CFAP251: variants seen among roughly 807,000 people sequenced by gnomAD.
CFAP251 encodes the protein cilia and flagella associated protein 251, also known as cilia- and flagella-associated protein 251.
CFAP251 carries 93 observed loss-of-function variants against 126.7 expected under a neutral mutation model. That is an observed-to-expected ratio of 0.73 (90% CI 0.62 to 0.87). The LOEUF is 0.87. Ranked by LOEUF, CFAP251 falls within the 40% of genes least tolerant of loss-of-function variation. The probability of loss-of-function intolerance (pLI) is 0.00; values close to 1 mark genes in which losing one functional copy is unlikely to be tolerated. For missense variants in CFAP251, 1,287 were observed against 1,389.2 expected, an observed-to-expected ratio of 0.93 and a Z score of 1.17; for synonymous variants, 503 against 506.9, an observed-to-expected ratio of 0.99 and a Z score of 0.10.
chr12:121,975,730 T>C (rs80342363), intron 19 of CFAP251, 45 bp downstream of exon 19: 3 of 1,524,150 alleles, frequency 2.0e-6, no homozygotes, highest in Non-Finnish European at 2.6e-6. Context: ...GTGCTATTTA[T>C]AAAAAACAAC....
intron 17 of CFAP251, 42 bp downstream of exon 17, chr12:121,968,211 C>A: frequency 6.4e-7 from 1 of 1,555,494 alleles, no homozygotes. Context: ...GTGTAAACTC[C>A]TTTTCACTCA....
At chr12:121,937,531 C>T (rs1880941902) in intron 5 of CFAP251, among the ~76,000 whole-genome samples, 1 of 152,160 alleles carries the variant, frequency 6.6e-6, no homozygotes, top group East Asian at 1.9e-4. Flanking sequence ...CAGCACCAGG[C>T]CATGATAGAG....
intron 17 of CFAP251, among the ~76,000 whole-genome samples, chr12:121,970,960 G>A (rs1013731677): frequency 1.3e-5 from 2 of 152,202 alleles, no homozygotes; most frequent in African/African-American, 4.8e-5. Context: ...GGCCCCTCTG[G>A]GGTCAGTTGA....
At chr12:121,942,698 G>C in intron 6 of CFAP251, 53 bp downstream of exon 6, 2 of 1,448,728 alleles carry the variant, frequency 1.4e-6, no homozygotes, top group East Asian at 2.3e-5. Context: ...GACCTGTGCA[G>C]CGTGTCCCCA....
intron 4 of CFAP251, among the ~76,000 whole-genome samples, chr12:121,933,806 G>A (rs1309824770): frequency 2.6e-5 from 4 of 152,176 alleles, no homozygotes; most frequent in Non-Finnish European, 1.5e-5. Context: ...GTGACAGAGT[G>A]AGACCCTGCC....
At chr12:121,940,307 A>G (rs1479288174) in intron 5 of CFAP251, among the ~76,000 whole-genome samples, 1 of 152,126 alleles carries the variant, frequency 6.6e-6, no homozygotes, top group Admixed American at 6.6e-5. Context: ...GATGAGATAC[A>G]TTTTCTCACT....
chr12:121,929,290 C>A (rs1180361756), intron 3 of CFAP251, among the ~76,000 whole-genome samples: 1 of 146,862 alleles, frequency 6.8e-6, no homozygotes, highest in Non-Finnish European at 1.5e-5. Context: ...CACTGCACTG[C>A]AGCCTGGTGA....
chr12:121,992,394 A>G, intron 19 of CFAP251: 1 of 985,362 alleles, frequency 1.0e-6, no homozygotes, highest in Non-Finnish European at 1.2e-6. Flanking sequence ...AGAGAGTAAG[A>G]GGTGAATCAC....
chr12:121,930,690 T>C (rs1165960926), intron 3 of CFAP251, among the ~76,000 whole-genome samples: 2 of 152,068 alleles, frequency 1.3e-5, no homozygotes, highest in Non-Finnish European at 2.9e-5. Flanking sequence ...TCCTTTATCC[T>C]TCCAGTAGAA....
chr12:121,928,626 G>GTGTATA lies in CFAP251; in HGVS notation c.748-3119_748-3118insGTATAT, dbSNP rs148145141. Among the ~76,000 whole-genome samples, 195 of 43,186 alleles carry GTGTATA rather than the reference G, an allele frequency of 4.5e-3. 9 individuals are homozygous for GTGTATA. Among genetic ancestry groups the GTGTATA allele is most frequent in the African/African-American group, 0.017 (173 of 10,076 alleles). The allele number at this position is 43,186 out of a possible 152,430, so 28.3% of individuals were successfully genotyped here. On this transcript the variant is annotated intron_variant, in intron 3 of 21. Coordinates refer to ENST00000288912, the MANE Select transcript of CFAP251 (RefSeq NM_144668.6). ...ACCCTAGATAATTTTATGTATATGT[G>GTGTATA]TATATATATACGTATATATATATAT... is the stretch of plus-strand genomic sequence containing the variant.
At chr12:121,984,506 C>T (rs1034227198) in intron 19 of CFAP251, among the ~76,000 whole-genome samples, 1 of 152,142 alleles carries the variant, frequency 6.6e-6, no homozygotes, top group Non-Finnish European at 1.5e-5. Context: ...CGGGGTTTCA[C>T]GGTGTTAGCC....
chr12:121,988,127 A>G (rs1166739820), intron 19 of CFAP251, among the ~76,000 whole-genome samples: 1 of 151,936 alleles, frequency 6.6e-6, no homozygotes, highest in Non-Finnish European at 1.5e-5. Flanking sequence ...ATATTTTTAA[A>G]AATATTTCAA....
rs150812301 is a variant in CFAP251, at chr12:121,934,779, C to T, written c.998+423C>T. On this transcript the variant is annotated intron_variant, in intron 5 of 21. Coordinates refer to ENST00000288912, the MANE Select transcript of CFAP251 (RefSeq NM_144668.6). ...CAAAGCTGCTGTTTCTCTGCAGTCT[C>T]TCTCTAATTCTAACAACCCACCATT... 8.5e-5 allele frequency among the ~76,000 whole-genome samples: 13 copies of T among 152,306 alleles called. No individual in the cohort carries two copies. The East Asian group carries it at 1.5e-3, about 18-fold the overall frequency.
chr12:121,994,967 T>A (rs1882990851), intron 19 of CFAP251, among the ~76,000 whole-genome samples: 1 of 150,076 alleles, frequency 6.7e-6, no homozygotes, highest in Non-Finnish European at 1.5e-5. Flanking sequence ...AAAAATAAAT[T>A]AAAAAAAAAA....
intron 2 of CFAP251, 47 bp downstream of exon 2, chr12:121,921,730 G>A (rs1880187357): frequency 6.4e-7 from 1 of 1,554,354 alleles, no homozygotes; most frequent in East Asian, 2.2e-5. Flanking sequence ...AGAATCATTA[G>A]TTGAATGCTT....
chr12:121,971,423 T>C (rs1882324587), intron 17 of CFAP251: 1 of 651,204 alleles, frequency 1.5e-6, no homozygotes, highest in African/African-American at 1.8e-5. Context: ...GGCAGACTCT[T>C]CCTAAGAAAG....
At chr12:121,981,876 C>T (rs1882631472) in intron 19 of CFAP251, among the ~76,000 whole-genome samples, 1 of 150,442 alleles carries the variant, frequency 6.6e-6, no homozygotes, top group Non-Finnish European at 1.5e-5. Flanking sequence ...CTCCATGCCT[C>T]AGTTTCCTCA....
chr12:121,920,165 C>G (rs1260924375), intron 1 of CFAP251, among the ~76,000 whole-genome samples: 1 of 94,848 alleles, frequency 1.1e-5, no homozygotes, highest in Non-Finnish European at 2.1e-5. Context: ...GCCTGGGCAA[C>G]AAGAACAAAA....
At chr12:121,999,978 C>T in intron 20 of CFAP251, 34 bp downstream of exon 20, 2 of 1,569,994 alleles carry the variant, frequency 1.3e-6, no homozygotes, top group Non-Finnish European at 1.8e-6. Context: ...TGGTAACATC[C>T]TGGGGCCATT....
Sources: allele counts gnomAD v4.1 joint callset (sites outside exome capture counted in the v4.1 genomes callset), GRCh38; gene constraint gnomAD v4.1.1; transcripts MANE v1.5; gene names NCBI Gene and HGNC (gene_info 2026-07-23, HGNC 2026-07-21).